The following TTF1 variants were observed in gnomAD, a reference collection of about 807,000 sequenced individuals.
TTF1 encodes transcription termination factor, RNA polymerase I.
A neutral mutation model predicts 80.2 loss-of-function variants in TTF1; 64 were observed. The ratio of observed to expected loss-of-function variants is 0.80; its 90% CI spans 0.65 to 0.98. The LOEUF (loss-of-function observed/expected upper bound fraction) is 0.98, where lower values mean the gene tolerates loss of function less well. TTF1 is among the 50% of genes least tolerant of loss of function. The pLI, the probability that TTF1 is intolerant of heterozygous loss-of-function variation, is 0.00. For synonymous variants in TTF1, 372 were observed against 382.7 expected (o/e 0.97, Z 0.33); for missense variants, 1,023 against 1,086.2 (o/e 0.94, Z 0.82).
chr9:132,402,719 C>T lies in TTF1; in HGVS notation c.103G>A (p.Glu35Lys), dbSNP rs11550314. ...ACCAGGGAGGAGTCTCTGAAAATTTCGTGGGAATGTTTCTGAGGTCTTTCC... is the reference window on the plus strand; with the variant it reads ...ACCAGGGAGGAGTCTCTGAAAATTTTGTGGGAATGTTTCTGAGGTCTTTCC... Reference protein sequence around the residue: ...HKERPQKHSHEIFRDSSLVNE... With the variant: ...HKERPQKHSHKIFRDSSLVNE... Residue 35 changes from glutamate (E) to lysine (K), a missense_variant, in exon 2 of 11, where the codon GAA (glutamate) becomes AAA (lysine). Transcript: ENST00000334270. The T allele has an allele frequency of 9.9e-6, 16 of 1,613,908 alleles. No homozygotes were observed. In the East Asian group the frequency reaches 1.3e-4, roughly 13 times the overall value.
intron 10 of TTF1, among the ~76,000 whole-genome samples, chr9:132,378,193 GTGCATGTGCGTGTGAA>G (rs1286001449): frequency 6.9e-5 from 9 of 130,926 alleles, no homozygotes; most frequent in Non-Finnish European, 1.1e-4. Context: ...TGTGGTGTGA[GTGCATGTGCGTGTGAA>G]TGCATGTGGT....
Position 132,376,173 on chromosome 9 carries a change from A to G in TTF1, c.2465-5T>C. On this transcript the variant is annotated splice_polypyrimidine_tract_variant and splice_region_variant and intron_variant, in intron 10 of 10. Transcript: ENST00000334270. ...CATAAAGGTAGTCGATGATCTCTAC[A>G]GAAAAGAAATTTAATTGTGCAGTTA... 1 of 1,607,324 alleles carries G rather than the reference A, an allele frequency of 6.2e-7. No homozygotes were observed. Among genetic ancestry groups the G allele is most frequent in the Non-Finnish European group, 8.5e-7 (1 of 1,178,538 alleles).
chr9:132,379,294 C>A, intron 9 of TTF1, 150 bp from the exon 10 acceptor site: 1 of 490,396 alleles, frequency 2.0e-6, no homozygotes, highest in Non-Finnish European at 3.4e-6. Flanking sequence ...ACAAATATGA[C>A]ACAATTTTTG....
At chr9:132,400,531 T>G (rs529978289) in intron 2 of TTF1, among the ~76,000 whole-genome samples, 1 of 152,266 alleles carries the variant, frequency 6.6e-6, no homozygotes, top group South Asian at 2.1e-4. Context: ...CCATGTTGGC[T>G]AGGCTGGTCT....
intron 7 of TTF1, 75 bp downstream of exon 7, chr9:132,390,522 T>G: frequency 6.9e-7 from 1 of 1,442,520 alleles, no homozygotes; most frequent in Non-Finnish European, 9.6e-7. Context: ...CCACGGCAGT[T>G]ACACAGATAT....
At position 132,375,647 on chromosome 9, in the gene TTF1, C is replaced by G. The variant is rs1272054690; in HGVS notation, c.*268G>C. 1.3e-5 allele frequency: 4 copies of G among 303,456 alleles called. No individual in the cohort carries two copies. Among genetic ancestry groups the G allele is most frequent in the Admixed American group, 4.7e-5 (1 of 21,482 alleles). The allele number at this position is 303,456 out of a possible 1,614,324, so 18.8% of individuals were successfully genotyped here. On this transcript the variant is annotated 3_prime_UTR_variant, in exon 11 of 11. Coordinates refer to ENST00000334270, the MANE Select transcript of TTF1 (RefSeq NM_007344.4). ...CCATTGTACATTCTTTATTAAACATCAATACTGAAAACAGATTTACTGACA... is the reference window on the plus strand; with the variant it reads ...CCATTGTACATTCTTTATTAAACATGAATACTGAAAACAGATTTACTGACA...
Position 132,379,403 on chromosome 9 carries a change from G to T in TTF1, c.2379-259C>A, listed in dbSNP as rs185812486. On this transcript the variant is annotated intron_variant, in intron 9 of 10. Coordinates refer to ENST00000334270, the MANE Select transcript of TTF1 (RefSeq NM_007344.4). ...GATTCTATTTAAATTAAGATAACTT[G>T]TATCACTAGTCGAGAAGGCAAAGTA... Among the ~76,000 whole-genome samples the T allele has an allele frequency of 3.7e-4, 56 of 152,306 alleles. No individual in the cohort carries two copies. The Middle Eastern group carries it at 0.014, about 37-fold the overall frequency.
intron 9 of TTF1, among the ~76,000 whole-genome samples, chr9:132,382,326 C>G (rs1261248199): frequency 1.3e-5 from 2 of 152,184 alleles, no homozygotes; most frequent in East Asian, 3.8e-4. Context: ...CTTAAAATGT[C>G]TTCCCACAGC....
rs1416987979 is a variant in TTF1 at position 132,402,758 on chromosome 9, ACTTTTT to A, written c.58_63del (p.Lys20_Lys21del). ...TGAGGTCTTTCCTTATGTATAGAAC[ACTTTTT>A]CTTTTTCTTGTCAGAAACTGGAGTG... On this transcript the variant is annotated inframe_deletion, in exon 2 of 11. Transcript: ENST00000334270. 1.9e-6 allele frequency: 3 copies of A among 1,605,228 alleles called. No individual in the cohort carries two copies. Among genetic ancestry groups the A allele is most frequent in the African/African-American group, 2.7e-5 (2 of 74,200 alleles).
intron 9 of TTF1, among the ~76,000 whole-genome samples, chr9:132,385,447 G>C (rs2131628039): frequency 6.6e-6 from 1 of 152,248 alleles, no homozygotes; most frequent in African/African-American, 2.4e-5. Flanking sequence ...CTGAGGCGTG[G>C]GAGTCTGGCC....
intron 10 of TTF1, among the ~76,000 whole-genome samples, chr9:132,376,910 G>A (rs1298419734): frequency 6.6e-6 from 1 of 151,910 alleles, no homozygotes; most frequent in Non-Finnish European, 1.5e-5. Flanking sequence ...TGTTGCCCAG[G>A]ATGGTCTTGA....
chr9:132,376,539 C>T (rs954556398), intron 10 of TTF1, among the ~76,000 whole-genome samples: 1 of 152,080 alleles, frequency 6.6e-6, no homozygotes, highest in Non-Finnish European at 1.5e-5. Context: ...AATACCAGTG[C>T]CGTGCAGACT....
chr9:132,398,000 G>T (rs1849684279), intron 4 of TTF1, 141 bp downstream of exon 4: 2 of 550,018 alleles, frequency 3.6e-6, no homozygotes, highest in Admixed American at 4.4e-5. Context: ...AAAAAAAAAA[G>T]AATATCATCA....
chr9:132,400,114 G>C lies in TTF1; in HGVS notation c.1512C>G (p.Asn504Lys). Residue 504 changes from asparagine (N) to lysine (K), a missense_variant, in exon 3 of 11, where the codon AAC (asparagine) becomes AAG (lysine). Physicochemically the swap from Asn to Lys is moderately conservative, Grantham distance 94. Coordinates refer to ENST00000334270, the MANE Select transcript of TTF1 (RefSeq NM_007344.4). ...TTGTGCTGGTGGCCCTGTCCTTGAT[G>C]TTAGGAATGAACTCCTGAAGCTGTT... Reference protein sequence around the residue: ...AVKQLQEFIPNIKDRATSTIK... With the variant: ...AVKQLQEFIPKIKDRATSTIK... 1.9e-6 allele frequency: 3 copies of C among 1,614,148 alleles called. 1 individual carries two copies. In the South Asian group the frequency reaches 3.3e-5, roughly 18 times the overall value.
chr9:132,403,403 C>T (rs925176578), intron 1 of TTF1, among the ~76,000 whole-genome samples: 52 of 152,276 alleles, frequency 3.4e-4, no homozygotes, highest in African/African-American at 1.2e-3. Context: ...CTGAACTCGT[C>T]TTTCCAACTC....
rs772729635 is a variant in TTF1, at chr9:132,390,795, CG to C, written c.2023del (p.Arg675GlyfsTer3). On this transcript the variant is annotated frameshift_variant, in exon 7 of 11. Transcript: ENST00000334270. LOFTEE classifies it high-confidence loss of function. ...TTCTTCGACAGCCTTGATTAGTTTCCGGGTTTCAGACTTACTCCAAGCACCA... is the reference window on the plus strand; with the variant it reads ...TTCTTCGACAGCCTTGATTAGTTTCCGGTTTCAGACTTACTCCAAGCACCA... Reference protein sequence around the residue: ...NRGAWSKSETRKLIKAVEEVI... With the variant: ...NRGAWSKSETXKLIKAVEEVI... 6.2e-7 allele frequency: 1 copy of C among 1,614,126 alleles called. No homozygotes were observed. Among genetic ancestry groups the C allele is most frequent in the South Asian group, 1.1e-5 (1 of 91,078 alleles).
chr9:132,401,563 T>C lies in TTF1; in HGVS notation c.1259A>G (p.Asp420Gly), dbSNP rs779912352. Residue 420 changes from aspartate to glycine, a missense_variant, in exon 2 of 11, where the codon GAT becomes GGT. By Grantham distance (94) the Asp-to-Gly change is moderately conservative. Coordinates refer to ENST00000334270, the MANE Select transcript of TTF1 (RefSeq NM_007344.4). ...PSKNSESTLF[D>G]SVEGDGAMME... The stretch of plus-strand genomic sequence containing the variant: ...CATGGCGCCATCACCTTCTACTGAA[T>C]CAAAGAGTGTGCTCTCAGAGTTCTT... The C allele has an allele frequency of 1.9e-6, 3 of 1,614,170 alleles. No individual in the cohort carries two copies. The highest frequency in any genetic ancestry group is 2.5e-6 in the Non-Finnish European group (3 of 1,180,040).
At chr9:132,383,173 G>A (rs1360887122) in intron 9 of TTF1, among the ~76,000 whole-genome samples, 1 of 151,640 alleles carries the variant, frequency 6.6e-6, no homozygotes, top group East Asian at 1.9e-4. Context: ...GCTTGAACCT[G>A]GGAGGCAGAG....
intron 5 of TTF1, among the ~76,000 whole-genome samples, chr9:132,394,710 T>C (rs986188238): frequency 2.6e-5 from 4 of 151,536 alleles, no homozygotes; most frequent in Non-Finnish European, 5.9e-5. Flanking sequence ...CTGGTCAACA[T>C]GGTGAAAGCT....
Sources: gnomAD v4.1 joint callset for allele counts (sites outside exome capture counted in the v4.1 genomes callset) on GRCh38, gnomAD v4.1.1 for gene constraint, MANE v1.5 for transcripts, NCBI Gene and HGNC (gene_info 2026-07-23, HGNC 2026-07-21) for gene names.